Variants in SAMMSON observed in about 807,000 individuals in gnomAD.
SAMMSON encodes survival associated mitochondrial melanoma specific oncogenic non-coding RNA.
chr3:70,309,442 A>G (rs565857343), intron 7 of SAMMSON, among the ~76,000 whole-genome samples: 137 of 152,240 alleles, frequency 9.0e-4, no homozygotes, highest in Non-Finnish European at 1.6e-3. Context: ...TTAAAGAGGG[A>G]AAAAAACAGA....
chr3:70,313,057 T>G (rs1436399165), intron 7 of SAMMSON, among the ~76,000 whole-genome samples: 1 of 152,182 alleles, frequency 6.6e-6, no homozygotes, highest in African/African-American at 2.4e-5. Context: ...ACCTAATATT[T>G]TATAAACAAC....
chr3:70,169,409 T>G lies in SAMMSON; in HGVS notation n.508-79698T>G, dbSNP rs566664109. Among the ~76,000 whole-genome samples the G allele has an allele frequency of 2.0e-5, 3 of 151,980 alleles. No individual in the cohort carries two copies. The South Asian group carries it at 6.2e-4, about 32-fold the overall frequency. On this transcript the variant is annotated intron_variant and non_coding_transcript_variant, in intron 4 of 9. Coordinates refer to ENST00000642114, the Ensembl canonical transcript of SAMMSON. ...TCAAAACTTTATGGATCTAGGAAAA[T>G]GTTTGTATTTCTTATTTGGTATGAT... is the stretch of plus-strand genomic sequence containing the variant.
At chr3:70,222,398 A>G (rs1300578531) in intron 4 of SAMMSON, among the ~76,000 whole-genome samples, 1 of 152,212 alleles carries the variant, frequency 6.6e-6, no homozygotes, top group Non-Finnish European at 1.5e-5. Flanking sequence ...GAGTTATAGA[A>G]AACTATACAT....
At chr3:70,287,894 C>T (rs1489380212) in intron 6 of SAMMSON, among the ~76,000 whole-genome samples, 1 of 152,124 alleles carries the variant, frequency 6.6e-6, no homozygotes, top group Non-Finnish European at 1.5e-5. Flanking sequence ...TCTGTGGGAT[C>T]AGTGGTGACA....
At chr3:70,100,524 G>A (rs796413546) in intron 4 of SAMMSON, among the ~76,000 whole-genome samples, 2 of 1,516 alleles carry the variant, frequency 1.3e-3, no homozygotes, top group Non-Finnish European at 0.011. Flanking sequence ...GTGGGGGGGG[G>A]GGGGGGGGGA....
At chr3:70,008,352 G>A (rs917257585) in intron 1 of SAMMSON, among the ~76,000 whole-genome samples, 1 of 152,064 alleles carries the variant, frequency 6.6e-6, no homozygotes, top group Non-Finnish European at 1.5e-5. Context: ...TCCTTGAAGA[G>A]GTCCTTCACA....
intron 4 of SAMMSON, among the ~76,000 whole-genome samples, chr3:70,211,166 T>A (rs1701340913): frequency 6.6e-6 from 1 of 151,908 alleles, no homozygotes; most frequent in Admixed American, 6.6e-5. Flanking sequence ...TCTTTTCCCA[T>A]TTTCCTTTCC....
At chr3:70,268,187 C>T (rs920955761) in intron 6 of SAMMSON, among the ~76,000 whole-genome samples, 1 of 152,092 alleles carries the variant, frequency 6.6e-6, no homozygotes, top group African/African-American at 2.4e-5. Context: ...TCAACATTCT[C>T]CGGCTGGGCG....
chr3:70,421,700 GC>G (rs1559586272), intron 2 of SAMMSON, among the ~76,000 whole-genome samples: 1 of 152,066 alleles, frequency 6.6e-6, no homozygotes, highest in East Asian at 1.9e-4. Flanking sequence ...GAAGATTTTT[GC>G]CTCCTGATAG....
chr3:70,092,345 G>A (rs1049211435), intron 4 of SAMMSON, among the ~76,000 whole-genome samples: 3 of 151,602 alleles, frequency 2.0e-5, no homozygotes, highest in East Asian at 1.9e-4. Flanking sequence ...TCCTCCAAAC[G>A]TGCCTTACTC....
At chr3:70,376,636 C>T (rs776603630) in intron 9 of SAMMSON, among the ~76,000 whole-genome samples, 1 of 152,042 alleles carries the variant, frequency 6.6e-6, no homozygotes, top group Non-Finnish European at 1.5e-5. Flanking sequence ...TTCAACTTCA[C>T]GACCTCTTTC....
chr3:70,021,349 C>T (rs965611897), intron 3 of SAMMSON, among the ~76,000 whole-genome samples: 1 of 152,038 alleles, frequency 6.6e-6, no homozygotes, highest in Admixed American at 6.6e-5. Flanking sequence ...TATATGGCCT[C>T]TTTTTCAGCC....
At chr3:70,131,237 A>G (rs770071835) in intron 4 of SAMMSON, among the ~76,000 whole-genome samples, 5 of 152,202 alleles carry the variant, frequency 3.3e-5, no homozygotes, top group Non-Finnish European at 7.3e-5. Context: ...TTCATAGAGC[A>G]TTCTCAGGAT....
At chr3:70,291,118 T>C (rs1168738887) in intron 6 of SAMMSON, 1 of 152,188 alleles carries the variant, frequency 6.6e-6, no homozygotes, top group East Asian at 1.9e-4. Context: ...GAAAAGAATA[T>C]CATTGAAAGC....
intron 4 of SAMMSON, among the ~76,000 whole-genome samples, chr3:70,175,799 G>T (rs1701005039): frequency 6.6e-6 from 1 of 152,036 alleles, no homozygotes; most frequent in Non-Finnish European, 1.5e-5. Flanking sequence ...GACACTCCTA[G>T]CACAAAATTT....
At chr3:70,144,011 A>C (rs2067538317) in intron 4 of SAMMSON, among the ~76,000 whole-genome samples, 2 of 152,170 alleles carry the variant, frequency 1.3e-5, no homozygotes, top group Admixed American at 1.3e-4. Flanking sequence ...GATTCCTATC[A>C]AAGTACACTT....
At chr3:70,003,681 T>C (rs1196068895) in intron 1 of SAMMSON, among the ~76,000 whole-genome samples, 3 of 150,818 alleles carry the variant, frequency 2.0e-5, no homozygotes, top group Non-Finnish European at 4.4e-5. Flanking sequence ...GTTTTGTACA[T>C]TCAGTATTCA....
At chr3:70,395,038 G>A (rs1473640677) in intron 2 of SAMMSON, among the ~76,000 whole-genome samples, 2 of 152,188 alleles carry the variant, frequency 1.3e-5, no homozygotes, top group African/African-American at 4.8e-5. Context: ...GGCACAAAAT[G>A]TATTTCCAAG....
At chr3:70,248,258 G>C (rs771424194) in intron 4 of SAMMSON, among the ~76,000 whole-genome samples, 7 of 152,054 alleles carry the variant, frequency 4.6e-5, no homozygotes, top group Non-Finnish European at 2.9e-5. Context: ...ATGATCTTAC[G>C]TAGAATATTA....
Sources: allele counts gnomAD v4.1 joint callset (sites outside exome capture counted in the v4.1 genomes callset), GRCh38; gene constraint gnomAD v4.1.1; transcripts MANE v1.5; gene names NCBI Gene and HGNC (gene_info 2026-07-23, HGNC 2026-07-21).